The following MTMR3 variants were observed in gnomAD, a reference collection of about 807,000 sequenced individuals.
MTMR3 encodes phosphatidylinositol-3,5-bisphosphate 3-phosphatase MTMR3.
A neutral mutation model predicts 132.4 loss-of-function variants in MTMR3; 32 were observed. That is an observed-to-expected ratio of 0.24 (90% confidence interval 0.18 to 0.32). MTMR3 has a LOEUF of 0.32. Ranked by LOEUF, MTMR3 falls within the 10% of genes least tolerant of loss-of-function variation. The pLI is 1.00. For synonymous variants in MTMR3, 556 were observed against 550.3 expected (o/e 1.01, Z -0.14); for missense variants, 1,216 against 1,489.6 (o/e 0.82, Z 3.02).
Position 29,991,674 on chromosome 22 carries a change from C to G in MTMR3, c.460+4C>G, listed in dbSNP as rs751337745. 2 of 1,586,084 alleles carry G rather than the reference C, an allele frequency of 1.3e-6. No homozygotes were observed. The highest frequency in any genetic ancestry group is 2.3e-5 in the East Asian group (1 of 44,076). On this transcript the variant is annotated splice_donor_region_variant and intron_variant, in intron 7 of 19. Coordinates refer to ENST00000401950, the MANE Select transcript of MTMR3 (RefSeq NM_021090.4). ...CATGGAGACCTGTGCAGACCAGGTA[C>G]GCCTTTCTGAAATGTGCAAATGGCC... is the stretch of plus-strand genomic sequence containing the variant.
intron 1 of MTMR3, among the ~76,000 whole-genome samples, chr22:29,903,513 C>T (rs565877390): frequency 6.6e-5 from 10 of 151,540 alleles, no homozygotes; most frequent in African/African-American, 2.2e-4. Context: ...CTTAGCCTCC[C>T]GGGTGCTGGG....
intron 9 of MTMR3, 71 bp downstream of exon 9, chr22:30,003,064 C>A: frequency 8.2e-7 from 1 of 1,215,312 alleles, no homozygotes; most frequent in Non-Finnish European, 1.2e-6. Context: ...GCTGCCTCTG[C>A]TGCTGCTAAC....
chr22:29,931,951 A>G (rs1341584240), intron 1 of MTMR3, among the ~76,000 whole-genome samples: 1 of 152,168 alleles, frequency 6.6e-6, no homozygotes. Flanking sequence ...GCACATGTGC[A>G]TTGATTTCAC....
chr22:30,002,558 C>T (rs957258156), intron 8 of MTMR3: 13 of 201,966 alleles, frequency 6.4e-5, no homozygotes, highest in African/African-American at 2.3e-4. Flanking sequence ...AGCTGACCCT[C>T]GACTCCCCTT....
intron 1 of MTMR3, among the ~76,000 whole-genome samples, chr22:29,911,263 G>A (rs1413886460): frequency 1.3e-5 from 2 of 152,160 alleles, no homozygotes. Flanking sequence ...TGATTTTTGG[G>A]CTGGGTGTGG....
At chr22:29,975,738 T>C (rs1425979061) in intron 3 of MTMR3, among the ~76,000 whole-genome samples, 1 of 152,220 alleles carries the variant, frequency 6.6e-6, no homozygotes, top group East Asian at 1.9e-4. Context: ...CTTAAGTATC[T>C]GGGACTACAG....
rs773687740 is a variant in MTMR3, at chr22:30,019,913, A to AGCC, written c.2255_2257dup (p.Ser752_His753insArg). The AGCC allele has an allele frequency of 8.7e-6, 14 of 1,614,160 alleles. No individual in the cohort carries two copies. The highest frequency in any genetic ancestry group is 1.1e-5 in the Non-Finnish European group (13 of 1,180,020). On this transcript the variant is annotated inframe_insertion, in exon 17 of 20. Transcript: ENST00000401950. ...AGAACTGGGTGATGCTGCTCTGAGG[A>AGCC]GCCATCTGGATATGAGCTGGCCTCT...
At chr22:29,981,013 A>G (rs3788421) in intron 5 of MTMR3, 24,495 of 152,074 alleles carry the variant, frequency 0.16, 2,081 homozygotes, top group South Asian at 0.24. Context: ...CGGCCCAGGA[A>G]CTTCTGTTCA....
intron 9 of MTMR3, chr22:30,005,391 A>G (rs888189802): frequency 5.3e-5 from 8 of 152,138 alleles, no homozygotes; most frequent in African/African-American, 1.9e-4. Flanking sequence ...GTCCCCTAAA[A>G]CCCAAGATCC....
At chr22:29,982,673 TCACAG>T (rs1299953372) in intron 5 of MTMR3, 1 of 149,914 alleles carries the variant, frequency 6.7e-6, no homozygotes, top group East Asian at 1.9e-4. Context: ...TCTTTTAATT[TCACAG>T]CACATTGAGT....
At chr22:29,967,145 A>AT in intron 2 of MTMR3, among the ~76,000 whole-genome samples, 1 of 145,368 alleles carries the variant, frequency 6.9e-6, no homozygotes, top group South Asian at 2.2e-4. Context: ...TGCAGCGTTT[A>AT]TTTTTATCTT....
At position 30,027,823 on chromosome 22, in the gene MTMR3, T is replaced by C. The variant is rs113797670; in HGVS notation, c.*2022T>C. 6.6e-6 allele frequency: 1 copy of C among 152,346 alleles called. No homozygotes were observed. The highest frequency in any genetic ancestry group is 2.4e-5 in the African/African-American group (1 of 41,446). 9.4% of individuals were successfully genotyped at this position (152,346 alleles called of 1,614,324 possible). ...AAATACTTTAGAATTGTTAAATATA[T>C]AAATAAAGCAAATAAAGTTGAGTGT... On this transcript the variant is annotated 3_prime_UTR_variant, in exon 20 of 20. Coordinates refer to ENST00000401950, the MANE Select transcript of MTMR3 (RefSeq NM_021090.4).
In MTMR3 at chr22:29,961,302, A is replaced by G. The variant is rs117427593; in HGVS notation, c.-85+4214A>G. On this transcript the variant is annotated intron_variant, in intron 2 of 19. Transcript: ENST00000401950. The stretch of plus-strand genomic sequence containing the variant: ...GGTTGTTGCGGCTTTTTTGGTGGCA[A>G]TGGAAAAATGGAAACAACCTAAATG... Among the ~76,000 whole-genome samples, 1,068 of 152,228 alleles carry G rather than the reference A, an allele frequency of 7.0e-3. 6 individuals are homozygous for G. Among genetic ancestry groups the G allele is most frequent in the Middle Eastern group, 0.017 (5 of 294 alleles).
chr22:29,998,875 C>T lies in MTMR3; in HGVS notation c.557+18C>T, dbSNP rs1277285812. The stretch of plus-strand genomic sequence containing the variant: ...AAGTACAAGTGAGTTATATGGGTCC[C>T]TGTGGACTGTTTCACAGCCAGTGCC... On this transcript the variant is annotated intron_variant, in intron 8 of 19. Coordinates refer to ENST00000401950, the MANE Select transcript of MTMR3 (RefSeq NM_021090.4). 1.3e-6 allele frequency: 2 copies of T among 1,570,184 alleles called. No individual in the cohort carries two copies. The highest frequency in any genetic ancestry group is 8.7e-7 in the Non-Finnish European group (1 of 1,149,762).
At chr22:29,999,334 T>C (rs1343566448) in intron 8 of MTMR3, 2 of 152,258 alleles carry the variant, frequency 1.3e-5, no homozygotes, top group Admixed American at 6.5e-5. Context: ...ACTGTAAATA[T>C]TTCAGATTTT....
chr22:29,978,910 T>C (rs760790844), intron 4 of MTMR3, 26 bp from the exon 5 acceptor site: 1 of 1,498,746 alleles, frequency 6.7e-7, no homozygotes, highest in South Asian at 1.1e-5. Flanking sequence ...GCTTCAGAAC[T>C]CTGAAGGGTT....
At chr22:29,997,733 A>T (rs2067090262) in intron 7 of MTMR3, 1 of 152,214 alleles carries the variant, frequency 6.6e-6, no homozygotes, top group Admixed American at 6.5e-5. Flanking sequence ...TTAACCTGCC[A>T]TCATCTAAAA....
chr22:29,902,053 T>TA lies in MTMR3; in HGVS notation c.-138+18695dup. ...TACACATGTGCCCATGTATTTTTTT[T>TA]ATGGTTTAAAAAAATATGGTGCCTA... On this transcript the variant is annotated intron_variant, in intron 1 of 19. Transcript: ENST00000401950. 1.3e-5 allele frequency among the ~76,000 whole-genome samples: 2 copies of TA among 152,276 alleles called. 1 individual carries two copies. The highest frequency in any genetic ancestry group is 6.8e-3 in the Middle Eastern group (2 of 294).
chr22:29,941,909 G>C (rs2065864488), intron 1 of MTMR3, among the ~76,000 whole-genome samples: 2 of 152,174 alleles, frequency 1.3e-5, no homozygotes, highest in Admixed American at 1.3e-4. Flanking sequence ...TTGAGTCCCA[G>C]GAGTCTGAAG....
Sources: gnomAD v4.1 joint callset for allele counts (sites outside exome capture counted in the v4.1 genomes callset) on GRCh38, gnomAD v4.1.1 for gene constraint, MANE v1.5 for transcripts, NCBI Gene and HGNC (gene_info 2026-07-23, HGNC 2026-07-21) for gene names.